DACH2: variants seen among roughly 807,000 people sequenced by gnomAD.
DACH2 encodes the protein dachshund homolog 2.
In DACH2, 17 loss-of-function variants were observed where a neutral mutation model predicts 35.8. The observed-to-expected ratio is 0.48, with a 90% CI of 0.33 to 0.71. The LOEUF is 0.71. Ranked by LOEUF, DACH2 falls within the 30% of genes least tolerant of loss-of-function variation. The probability of loss-of-function intolerance (pLI) is 0.02; values close to 1 mark genes in which losing one functional copy is unlikely to be tolerated. For missense variants in DACH2, 469 were observed against 472.7 expected (o/e 0.99, Z 0.07); for synonymous variants, 195 against 177.3 (o/e 1.10, Z -0.79).
At chrX:86,513,915 G>A (rs1349874095) in intron 2 of DACH2, among the ~76,000 whole-genome samples, 1 of 111,645 alleles carries the variant, frequency 9.0e-6, no homozygotes, top group Non-Finnish European at 1.9e-5. Context: ...TCTTAATTCT[G>A]TGAGTCACTA....
At chrX:86,393,520 G>A (rs2036234305) in intron 2 of DACH2, among the ~76,000 whole-genome samples, 1 of 112,234 alleles carries the variant, frequency 8.9e-6, no homozygotes, top group Admixed American at 9.5e-5. Flanking sequence ...GTAATAAAGA[G>A]AATAAAGTAA....
chrX:86,265,889 ATTAG>A (rs1478662758), intron 1 of DACH2, among the ~76,000 whole-genome samples: 1 of 111,526 alleles, frequency 9.0e-6, no homozygotes, highest in East Asian at 2.8e-4. Context: ...AGACAGTATT[ATTAG>A]TTATAGGTAT....
At chrX:86,765,697 G>GTTTTTTTTTTTTTTTTTTTTTTTTTTTTT (rs2041925172) in intron 7 of DACH2, among the ~76,000 whole-genome samples, 4 of 35,233 alleles carry the variant, frequency 1.1e-4, no homozygotes, top group South Asian at 1.6e-3. Context: ...GTTGTTTTTT[G>GTTTTTTTTTTTTTTTTTTTTTTTTTTTTT]GTTTTTTTTT....
chrX:86,180,635 C>T (rs754702165), intron 1 of DACH2, among the ~76,000 whole-genome samples: 11 of 111,066 alleles, frequency 9.9e-5, no homozygotes, highest in Non-Finnish European at 1.7e-4. Flanking sequence ...CCACTGATCA[C>T]CACCAGCTGC....
At chrX:86,315,238 C>T (rs887188733) in intron 1 of DACH2, among the ~76,000 whole-genome samples, 19 of 111,992 alleles carry the variant, frequency 1.7e-4, no homozygotes, top group Non-Finnish European at 3.2e-4. Context: ...AAAACTTGGA[C>T]GACAGACTGC....
chrX:86,680,043 T>C (rs2148431736), intron 4 of DACH2, among the ~76,000 whole-genome samples: 1 of 111,895 alleles, frequency 8.9e-6, no homozygotes, highest in East Asian at 2.8e-4. Context: ...TAGCATACTA[T>C]ACATAGTATG....
At chrX:86,661,398 A>G (rs1286630360) in intron 4 of DACH2, among the ~76,000 whole-genome samples, 1 of 112,506 alleles carries the variant, frequency 8.9e-6, no homozygotes, top group Non-Finnish European at 1.9e-5. Context: ...GTATGGATTT[A>G]CCTATTCTGG....
rs184658972 is a variant in DACH2, at chrX:86,472,781, G to A, written c.528-41498G>A. ...GATTTAATAGGGTTTATAAGTGGAGGATTTGAAGAAAGGGTGGAAAATGAA... is the reference window on the plus strand; with the variant it reads ...GATTTAATAGGGTTTATAAGTGGAGAATTTGAAGAAAGGGTGGAAAATGAA... On this transcript the variant is annotated intron_variant, in intron 2 of 11. Coordinates refer to ENST00000373125, the MANE Select transcript of DACH2 (RefSeq NM_053281.3). Among the ~76,000 whole-genome samples the A allele has an allele frequency of 4.4e-3, 494 of 111,855 alleles. 1 individual carries two copies. The highest frequency in any genetic ancestry group is 0.015 in the African/African-American group (456 of 30,891).
intron 2 of DACH2, among the ~76,000 whole-genome samples, chrX:86,491,312 G>A (rs2038090070): frequency 8.9e-6 from 1 of 111,779 alleles, no homozygotes; most frequent in East Asian, 2.8e-4. Context: ...ACTCATATAG[G>A]TATTTTGTTG....
At chrX:86,522,817 A>G (rs749586042) in intron 3 of DACH2, among the ~76,000 whole-genome samples, 7 of 111,882 alleles carry the variant, frequency 6.3e-5, no homozygotes, top group Admixed American at 9.5e-5. Flanking sequence ...AGGGATACAC[A>G]GGGAGAAAAG....
chrX:86,734,876 G>A (rs1230421589), intron 6 of DACH2, among the ~76,000 whole-genome samples: 2 of 111,675 alleles, frequency 1.8e-5, no homozygotes, highest in East Asian at 5.6e-4. Context: ...CACAGAAGAA[G>A]CATATCAATT....
At chrX:86,487,717 G>A (rs938681664) in intron 2 of DACH2, among the ~76,000 whole-genome samples, 2 of 111,816 alleles carry the variant, frequency 1.8e-5, no homozygotes, top group African/African-American at 6.5e-5. Context: ...ATAATACGGT[G>A]TTTAATTAAT....
intron 3 of DACH2, among the ~76,000 whole-genome samples, chrX:86,620,833 C>T (rs940780700): frequency 1.8e-5 from 2 of 109,020 alleles, no homozygotes; most frequent in Non-Finnish European, 3.8e-5. Flanking sequence ...ATATATTAAT[C>T]TACCCCGTGT....
chrX:86,152,828 G>T (rs180978865), intron 1 of DACH2, among the ~76,000 whole-genome samples: 2 of 111,737 alleles, frequency 1.8e-5, no homozygotes, highest in Non-Finnish European at 3.8e-5. Context: ...AAAGCACTGT[G>T]ATTTCTGTTT....
intron 3 of DACH2, among the ~76,000 whole-genome samples, chrX:86,643,473 C>T (rs1326773761): frequency 1.9e-5 from 2 of 106,512 alleles, no homozygotes; most frequent in Non-Finnish European, 3.9e-5. Flanking sequence ...CAGTAATAAG[C>T]CTACCAACCA....
chrX:86,710,574 T>C (rs768728316), intron 5 of DACH2, among the ~76,000 whole-genome samples: 29 of 111,942 alleles, frequency 2.6e-4, no homozygotes, highest in South Asian at 1.5e-3. Context: ...GTCTATTTAT[T>C]TTTTTAAAGG....
At chrX:86,236,115 G>A (rs1036284882) in intron 1 of DACH2, among the ~76,000 whole-genome samples, 2 of 92,500 alleles carry the variant, frequency 2.2e-5, no homozygotes, top group Admixed American at 1.3e-4. Flanking sequence ...CTGGGTGACA[G>A]AGCAAGGCTC....
chrX:86,395,928 G>C lies in DACH2; in HGVS notation c.527+19066G>C, dbSNP rs1367578238. Among the ~76,000 whole-genome samples the C allele has an allele frequency of 9.0e-5, 10 of 111,387 alleles. No individual in the cohort carries two copies. The East Asian group carries it at 2.3e-3, about 25-fold the overall frequency. On this transcript the variant is annotated intron_variant, in intron 2 of 11. Coordinates refer to ENST00000373125, the MANE Select transcript of DACH2 (RefSeq NM_053281.3). The stretch of plus-strand genomic sequence containing the variant: ...AGTAATGGGATGGCTGGGTCAAATG[G>C]TATTTCTAGTTCTAGATCCCTGAGG...
intron 3 of DACH2, among the ~76,000 whole-genome samples, chrX:86,585,179 T>G (rs1158397619): frequency 9.0e-6 from 1 of 110,938 alleles, no homozygotes; most frequent in African/African-American, 3.3e-5. Context: ...ACAGTAATGA[T>G]ACTGCTGGGT....
Sources: allele counts gnomAD v4.1 joint callset (sites outside exome capture counted in the v4.1 genomes callset), GRCh38; gene constraint gnomAD v4.1.1; transcripts MANE v1.5; gene names NCBI Gene and HGNC (gene_info 2026-07-23, HGNC 2026-07-21).